Variants in CFAP97 observed in about 807,000 individuals in gnomAD.
The protein encoded by CFAP97 is cilia and flagella associated protein 97.
CFAP97 carries 36 observed loss-of-function variants against 43.1 expected under a neutral mutation model. The observed-to-expected ratio is 0.84, with a 90% CI of 0.64 to 1.10. The LOEUF is 1.10. Ranked by LOEUF, CFAP97 falls within the 50% of genes least tolerant of loss-of-function variation. The pLI is 0.00. For synonymous variants in CFAP97, 228 were observed against 225.7 expected (o/e 1.01, Z -0.09); for missense variants, 657 against 620.3 (o/e 1.06, Z -0.63).
intron 3 of CFAP97, among the ~76,000 whole-genome samples, chr4:185,165,887 T>C (rs1735049468): frequency 6.6e-6 from 1 of 152,028 alleles, no homozygotes; most frequent in Non-Finnish European, 1.5e-5. Flanking sequence ...AAGGAACAGA[T>C]GGTGGAAGAA....
At chr4:185,188,275 C>G (rs1183338859) in intron 2 of CFAP97, among the ~76,000 whole-genome samples, 1 of 151,862 alleles carries the variant, frequency 6.6e-6, no homozygotes, top group Non-Finnish European at 1.5e-5. Context: ...CTAGCCTCAG[C>G]CTTCAAAGTA....
intron 1 of CFAP97, among the ~76,000 whole-genome samples, chr4:185,195,692 T>C (rs1361145649): frequency 2.6e-5 from 4 of 152,104 alleles, no homozygotes; most frequent in African/African-American, 9.7e-5. Flanking sequence ...AAAACTCGGA[T>C]AGAGGCCTGC....
At chr4:185,175,155 C>T (rs1735464184) in intron 3 of CFAP97, among the ~76,000 whole-genome samples, 1 of 152,108 alleles carries the variant, frequency 6.6e-6, no homozygotes, top group South Asian at 2.1e-4. Flanking sequence ...CACTTGGATA[C>T]CATTTCCTGT....
At chr4:185,209,997 G>C (rs1737478692), upstream of CFAP97, 4 of 983,788 alleles carry the variant, frequency 4.1e-6, no homozygotes, top group Non-Finnish European at 4.8e-6. This position sits in a 1 kb window ranked among gnomAD's most constrained non-coding sequence, Gnocchi z 5.2. Flanking sequence ...GCCGGAGCTG[G>C]TGGAAGCCCG....
At chr4:185,203,533 C>T (rs1326292336) in intron 1 of CFAP97, among the ~76,000 whole-genome samples, 1 of 152,194 alleles carries the variant, frequency 6.6e-6, no homozygotes, top group Non-Finnish European at 1.5e-5. Context: ...GGCAGATAAC[C>T]CCTCGGGCCT....
In CFAP97 at chr4:185,190,200, G is replaced by A. The variant is rs749740526; in HGVS notation, c.997C>T (p.His333Tyr). 6 of 1,609,982 alleles carry A rather than the reference G, an allele frequency of 3.7e-6. No individual in the cohort carries two copies. In the Admixed American group the frequency reaches 6.7e-5, roughly 18 times the overall value. Reference sequence around the variant, plus strand: ...TGTAAGACTTTCTGTTTATGTCTGTGGTCTAAACTGGAGTCTAACACTGAA... The same window carrying A: ...TGTAAGACTTTCTGTTTATGTCTGTAGTCTAAACTGGAGTCTAACACTGAA... Reference protein sequence around the residue: ...SSSVLDSSLDHRHKQKVLHDT... With the variant: ...SSSVLDSSLDYRHKQKVLHDT... Residue 333 changes from histidine (H) to tyrosine (Y), a missense_variant, in exon 2 of 5, where the codon CAC becomes TAC. Coordinates refer to ENST00000458385, the MANE Select transcript of CFAP97 (RefSeq NM_020827.3).
In CFAP97 at chr4:185,162,781, TA is replaced by T. The variant is rs1481827618; in HGVS notation, c.*16del. The T allele has an allele frequency of 6.2e-7, 1 of 1,610,526 alleles. No individual in the cohort carries two copies. Among genetic ancestry groups the T allele is most frequent in the Non-Finnish European group, 8.5e-7 (1 of 1,178,444 alleles). On this transcript the variant is annotated 3_prime_UTR_variant, in exon 5 of 5. Coordinates refer to ENST00000458385, the MANE Select transcript of CFAP97 (RefSeq NM_020827.3). The stretch of plus-strand genomic sequence containing the variant: ...CAAGAAAAGTTGTGTGAACAATGTT[TA>T]AAGTAAAAAAGTGTTTTATAACCAA...
intron 3 of CFAP97, among the ~76,000 whole-genome samples, chr4:185,166,539 G>C (rs1260599540): frequency 6.6e-6 from 1 of 152,036 alleles, no homozygotes; most frequent in Non-Finnish European, 1.5e-5. Flanking sequence ...GGTTGGATGA[G>C]TATTTTTCTT....
intron 3 of CFAP97, among the ~76,000 whole-genome samples, chr4:185,171,725 C>T (rs1190221284): frequency 1.3e-5 from 2 of 152,088 alleles, no homozygotes; most frequent in Non-Finnish European, 2.9e-5. Flanking sequence ...ATATTTCTTT[C>T]TTTTTTTGAG....
At chr4:185,207,355 TA>T (rs1214205434), upstream of CFAP97, among the ~76,000 whole-genome samples, 3 of 151,722 alleles carry the variant, frequency 2.0e-5, no homozygotes, top group East Asian at 5.9e-4. Flanking sequence ...TAGCTGGGAC[TA>T]CAGGCGCACA....
intron 1 of CFAP97, among the ~76,000 whole-genome samples, chr4:185,200,599 C>A (rs530306059): frequency 6.6e-6 from 1 of 151,748 alleles, no homozygotes; most frequent in South Asian, 2.1e-4. Flanking sequence ...ACCGAGCTTG[C>A]GTCACGGCAC....
chr4:185,163,713 T>C (rs1200927966), intron 4 of CFAP97, among the ~76,000 whole-genome samples: 2 of 152,188 alleles, frequency 1.3e-5, no homozygotes, highest in African/African-American at 4.8e-5. Context: ...GAGAATGTTT[T>C]AGCAGCTTTT....
chr4:185,200,010 A>G (rs146908104), intron 1 of CFAP97, among the ~76,000 whole-genome samples: 47 of 152,396 alleles, frequency 3.1e-4, no homozygotes, highest in African/African-American at 1.1e-3. Context: ...TTGTAAGGCC[A>G]TATTTGTCAC....
In CFAP97 at chr4:185,161,147, G is replaced by A. The variant is rs1358610520; in HGVS notation, c.*1651C>T. 2.6e-5 allele frequency: 4 copies of A among 152,042 alleles called. No individual in the cohort carries two copies. The highest frequency in any genetic ancestry group is 5.9e-5 in the Non-Finnish European group (4 of 68,008). 9.4% of individuals were successfully genotyped at this position (152,042 alleles called of 1,614,324 possible). On this transcript the variant is annotated 3_prime_UTR_variant, in exon 5 of 5. Transcript: ENST00000458385. Reference sequence around the variant, plus strand: ...AGTATAGCTCAAGCTTATATACACAGCAGGTATAGTAACTTGTTCACCAGA... The same window carrying A: ...AGTATAGCTCAAGCTTATATACACAACAGGTATAGTAACTTGTTCACCAGA...
At chr4:185,177,371 C>T (rs1359903842) in intron 2 of CFAP97, among the ~76,000 whole-genome samples, 3 of 151,314 alleles carry the variant, frequency 2.0e-5, no homozygotes, top group Non-Finnish European at 4.4e-5. Context: ...CGAGATTGCG[C>T]CATTGCACTC....
At chr4:185,202,887 G>A (rs1015908652) in intron 1 of CFAP97, among the ~76,000 whole-genome samples, 3 of 152,162 alleles carry the variant, frequency 2.0e-5, no homozygotes, top group Non-Finnish European at 4.4e-5. Flanking sequence ...CAATTCTTTT[G>A]ATAACATTTA....
intron 1 of CFAP97, among the ~76,000 whole-genome samples, chr4:185,199,528 G>T (rs1439683448): frequency 6.6e-6 from 1 of 151,972 alleles, no homozygotes; most frequent in Non-Finnish European, 1.5e-5. Flanking sequence ...AAGTTAGCCA[G>T]GGGCTAATTT....
chr4:185,195,307 C>T (rs559432455), intron 1 of CFAP97, among the ~76,000 whole-genome samples: 21 of 152,004 alleles, frequency 1.4e-4, no homozygotes, highest in Middle Eastern at 6.8e-3. Flanking sequence ...AATGAGACCC[C>T]GTTGCTACAA....
chr4:185,179,953 A>C (rs1185114190), intron 2 of CFAP97, among the ~76,000 whole-genome samples: 1 of 152,114 alleles, frequency 6.6e-6, no homozygotes, highest in Non-Finnish European at 1.5e-5. Context: ...AATGAATTTT[A>C]TCTTTTTAGT....
Sources: allele counts gnomAD v4.1 joint callset (sites outside exome capture counted in the v4.1 genomes callset), GRCh38; gene constraint gnomAD v4.1.1; non-coding constraint Gnocchi (gnomAD v3.1); transcripts MANE v1.5; gene names NCBI Gene and HGNC (gene_info 2026-07-23, HGNC 2026-07-21).